The following CPAMD8 variants were observed in gnomAD, a reference collection of about 807,000 sequenced individuals.
The protein encoded by CPAMD8 is C3 and PZP-like alpha-2-macroglobulin domain-containing protein 8.
CPAMD8 carries 146 observed loss-of-function variants against 224.7 expected under a neutral mutation model. That is an observed-to-expected ratio of 0.65 (90% CI 0.57 to 0.75). The LOEUF (loss-of-function observed/expected upper bound fraction) is 0.75, where lower values mean the gene tolerates loss of function less well. CPAMD8 is among the 30% of genes least tolerant of loss of function. CPAMD8 has a pLI of 0.00. For synonymous variants in CPAMD8, 966 were observed against 1,044.6 expected (o/e 0.92, Z 1.45); for missense variants, 2,301 against 2,537.5 (o/e 0.91, Z 2.00).
rs534147242 is a variant in CPAMD8 at position 16,947,207 on chromosome 19, A to G, written c.2529T>C (p.Val843=). 2.2e-4 allele frequency: 351 copies of G among 1,612,966 alleles called. No individual in the cohort carries two copies. The highest frequency in any genetic ancestry group is 2.8e-4 in the Non-Finnish European group (335 of 1,179,496). The change falls in exon 21 of 42, where the codon GTT becomes GTC. Residue 843 remains valine (V), a synonymous_variant. Transcript: ENST00000443236. ...GCCCAACAAACTGGATGCCCTTGGGAACCGAGAGCTTCATGTACACCTGCA... is the reference window on the plus strand; with the variant it reads ...GCCCAACAAACTGGATGCCCTTGGGGACCGAGAGCTTCATGTACACCTGCA... ...TCAEVYMKLS[V]PKGIQFVGHP... is the part of the protein sequence containing the mutation.
intron 22 of CPAMD8, among the ~76,000 whole-genome samples, chr19:16,941,330 C>T (rs1301358607): frequency 1.3e-5 from 2 of 151,946 alleles, no homozygotes; most frequent in Non-Finnish European, 2.9e-5. Context: ...GTTCATCCAT[C>T]CAGTGGAATA....
At chr19:17,025,508 T>C (rs958076460) in intron 1 of CPAMD8, among the ~76,000 whole-genome samples, 1 of 152,218 alleles carries the variant, frequency 6.6e-6, no homozygotes, top group Non-Finnish European at 1.5e-5. Context: ...GTCTGTCATG[T>C]GGGGCCGCGT....
Position 17,012,662 on chromosome 19 carries a change from G to C in CPAMD8, c.268-905C>G, listed in dbSNP as rs144444178. 3.6e-3 allele frequency among the ~76,000 whole-genome samples: 551 copies of C among 152,288 alleles called. 2 individuals are homozygous for C. Among genetic ancestry groups the C allele is most frequent in the Non-Finnish European group, 6.8e-3 (464 of 68,014 alleles). ...CTGCCCCAGCTTTCAGCCATGCTGA[G>C]GCTGAGAAACACTGGTCTAGTTATG... On this transcript the variant is annotated intron_variant, in intron 3 of 41. Coordinates refer to ENST00000443236, the MANE Select transcript of CPAMD8 (RefSeq NM_015692.5).
At chr19:16,947,255 G>A (rs181459585) in intron 20 of CPAMD8, 28 bp from the exon 21 acceptor site, 102 of 1,592,430 alleles carry the variant, frequency 6.4e-5, no homozygotes, top group East Asian at 5.2e-4. Context: ...GGCTCATGGC[G>A]CCTGGAATCC....
At position 16,897,955 on chromosome 19, in the gene CPAMD8, G is replaced by A. The variant is rs769347642; in HGVS notation, c.4888C>T (p.Leu1630Phe). The change falls in exon 38 of 42, where the codon CTC (leucine) becomes TTC (phenylalanine). Residue 1630 changes from leucine (L) to phenylalanine (F), a missense_variant. Around this residue, in one of 4 missense-constraint regions of CPAMD8, gnomAD observed 1,709 missense variants for 1,753.2 expected, o/e 0.97. Transcript: ENST00000443236. ...GTCCTGCCCACCACGCACTCCCGGA[G>A]AGCACGGAACCGCACGCACGTCAGG... ...RCLTCVRFRA[L>F]RECVVGRTSA... The A allele has an allele frequency of 9.3e-6, 15 of 1,611,184 alleles. No individual in the cohort carries two copies. The African/African-American group carries it at 1.6e-4, about 17-fold the overall frequency.
intron 11 of CPAMD8, among the ~76,000 whole-genome samples, chr19:16,996,035 A>T (rs2056112469): frequency 6.6e-6 from 1 of 152,134 alleles, no homozygotes; most frequent in Non-Finnish European, 1.5e-5. Flanking sequence ...CTGTAATCCC[A>T]GCTACTCTGG....
chr19:16,943,748 G>A (rs771091771), intron 22 of CPAMD8, among the ~76,000 whole-genome samples: 3 of 152,134 alleles, frequency 2.0e-5, no homozygotes, highest in Admixed American at 6.5e-5. Flanking sequence ...ACAACAGCAC[G>A]TGGGTCTTTA....
At chr19:16,914,863 C>A in intron 27 of CPAMD8, 50 bp from the exon 28 acceptor site, 1 of 1,396,796 alleles carries the variant, frequency 7.2e-7, no homozygotes, top group South Asian at 1.3e-5. Flanking sequence ...GGTCAGCCCC[C>A]ACATGCTGGC....
chr19:16,911,465 G>A (rs928840973), intron 29 of CPAMD8, among the ~76,000 whole-genome samples: 8 of 148,360 alleles, frequency 5.4e-5, no homozygotes, highest in African/African-American at 1.0e-4. Context: ...AGGTTCAAGC[G>A]ATTCTCCTGC....
At position 16,942,347 on chromosome 19, in the gene CPAMD8, C is replaced by T. The variant is rs142014724; in HGVS notation, c.2793+3202G>A. 3.9e-3 allele frequency among the ~76,000 whole-genome samples: 598 copies of T among 151,880 alleles called. 5 individuals are homozygous for T. The highest frequency in any genetic ancestry group is 0.014 in the African/African-American group (568 of 41,400). On this transcript the variant is annotated intron_variant, in intron 22 of 41. Transcript: ENST00000443236. ...TGTGGTGGTGCATGCCTGTAGTCCC[C>T]GCTACTCAGGAGGCTGAGAAAGAAG...
intron 9 of CPAMD8, 35 bp from the exon 10 acceptor site, chr19:17,000,557 A>T: frequency 1.1e-6 from 1 of 948,624 alleles, no homozygotes; most frequent in Non-Finnish European, 1.7e-6. Context: ...TCAATTTCAC[A>T]GCCAAGATGG....
intron 12 of CPAMD8, among the ~76,000 whole-genome samples, chr19:16,990,444 C>G (rs1337750458): frequency 1.3e-5 from 2 of 151,790 alleles, no homozygotes; most frequent in Non-Finnish European, 2.9e-5. Context: ...GGAGACTCAG[C>G]TACTAGGGGA....
chr19:16,986,488 T>C (rs942854683), intron 13 of CPAMD8, among the ~76,000 whole-genome samples: 2 of 152,150 alleles, frequency 1.3e-5, no homozygotes, highest in African/African-American at 4.8e-5. Flanking sequence ...CCTGCACCAC[T>C]GGTTTAATGG....
At chr19:16,960,242 G>T (rs1044211815) in intron 18 of CPAMD8, among the ~76,000 whole-genome samples, 3 of 151,420 alleles carry the variant, frequency 2.0e-5, no homozygotes, top group African/African-American at 7.3e-5. Context: ...CTCAAAATTT[G>T]GCAAAAATAA....
intron 28 of CPAMD8, 57 bp downstream of exon 28, chr19:16,914,600 G>T: frequency 1.2e-6 from 2 of 1,612,822 alleles, no homozygotes; most frequent in East Asian, 2.2e-5. Context: ...GCAGGTCAGG[G>T]CTGGGGCTCT....
intron 10 of CPAMD8, among the ~76,000 whole-genome samples, chr19:16,999,687 A>G (rs1328120479): frequency 6.6e-6 from 1 of 151,832 alleles, no homozygotes; most frequent in Non-Finnish European, 1.5e-5. Flanking sequence ...TTATGTTTTT[A>G]TTTTATTTTA....
rs376952579 is a variant in CPAMD8 at position 16,899,847 on chromosome 19, C to T, written c.4774-298G>A. Among the ~76,000 whole-genome samples, 239 of 152,278 alleles carry T rather than the reference C, an allele frequency of 1.6e-3. 1 individual carries two copies. Among genetic ancestry groups the T allele is most frequent in the African/African-American group, 5.5e-3 (228 of 41,554 alleles). On this transcript the variant is annotated intron_variant, in intron 36 of 41. Coordinates refer to ENST00000443236, the MANE Select transcript of CPAMD8 (RefSeq NM_015692.5). The surrounding 1 kb of genome is among the most constrained non-coding windows in gnomAD (Gnocchi z 5.4). The stretch of plus-strand genomic sequence containing the variant: ...CAAAGAGGTGCCCGGCTGAGCCCTG[C>T]CGCCTGCTGGTGTCTCAGCTGCACT...
intron 23 of CPAMD8, among the ~76,000 whole-genome samples, chr19:16,931,429 G>A (rs2053542876): frequency 2.0e-5 from 3 of 152,090 alleles, no homozygotes; most frequent in Admixed American, 2.0e-4. Flanking sequence ...CCACCTGTGG[G>A]CAAGGAGGTT....
chr19:17,020,454 G>A, intron 2 of CPAMD8, 101 bp from the exon 3 acceptor site: 1 of 857,040 alleles, frequency 1.2e-6, no homozygotes, highest in East Asian at 2.5e-5. Context: ...TAACCCAAAG[G>A]GGTTTCATGT....
Sources: gnomAD v4.1 joint callset for allele counts (sites outside exome capture counted in the v4.1 genomes callset) on GRCh38, gnomAD v4.1.1 for gene constraint, gnomAD v4.1.1 regional missense constraint, Gnocchi (gnomAD v3.1) non-coding constraint, MANE v1.5 for transcripts, NCBI Gene and HGNC (gene_info 2026-07-23, HGNC 2026-07-21) for gene names.